ZNF679: variants seen among roughly 807,000 people sequenced by gnomAD.
ZNF679 encodes hypothetical protein MGC42415.
A neutral mutation model predicts 13.4 loss-of-function variants in ZNF679; 10 were observed. The ratio of observed to expected loss-of-function variants is 0.75; its 90% CI spans 0.46 to 1.27. The LOEUF (loss-of-function observed/expected upper bound fraction) is 1.27. Ranked by LOEUF, ZNF679 falls within the 50% of genes most tolerant of loss-of-function variation. ZNF679 has a pLI of 0.00. For missense variants in ZNF679, 525 were observed against 477.8 expected (o/e 1.10, Z -0.92); for synonymous variants, 179 against 162.5 (o/e 1.10, Z -0.77).
At position 64,266,689 on chromosome 7, in the gene ZNF679, C is replaced by G; in HGVS notation, c.1056C>G (p.Tyr352Ter). The G allele has an allele frequency of 6.2e-7, 1 of 1,613,476 alleles. No individual in the cohort carries two copies. ...TAATTCATACTGGAGAGAAACCCTA[C>G]AAATGTAAAGAATGTGGGAAAGCCT... ...HKIIHTGEKP[Y>*]KCKECGKAFA... The change falls in exon 5 of 5, where the codon TAC (tyrosine) becomes TAG (stop). Residue 352 changes from tyrosine (Y) to a stop codon, truncating the protein, a stop_gained. Coordinates refer to ENST00000421025, the MANE Select transcript of ZNF679 (RefSeq NM_153363.3). LOFTEE classifies it low-confidence loss of function (END_TRUNC).
At chr7:64,264,498 T>C (rs1788119113) in intron 4 of ZNF679, among the ~76,000 whole-genome samples, 1 of 152,164 alleles carries the variant, frequency 6.6e-6, no homozygotes, top group African/African-American at 2.4e-5. Context: ...TATGTATTTT[T>C]TTCATCATGT....
chr7:64,236,455 A>AG (rs1787713447), intron 1 of ZNF679, among the ~76,000 whole-genome samples: 2 of 145,902 alleles, frequency 1.4e-5, no homozygotes, highest in African/African-American at 5.3e-5. Flanking sequence ...TGTGGGGGGA[A>AG]AAAAAAAAGG....
chr7:64,258,405 T>C (rs1788032320), intron 2 of ZNF679, among the ~76,000 whole-genome samples: 1 of 152,040 alleles, frequency 6.6e-6, no homozygotes, highest in African/African-American at 2.4e-5. Flanking sequence ...ATGTCTCAGA[T>C]CAAGAGTAGT....
intron 1 of ZNF679, among the ~76,000 whole-genome samples, chr7:64,231,156 A>G (rs973500135): frequency 4.6e-5 from 7 of 152,212 alleles, no homozygotes; most frequent in Non-Finnish European, 1.0e-4. Context: ...CCTTACTACA[A>G]GTAAAAGACC....
At chr7:64,246,863 A>G (rs1238824793) in intron 1 of ZNF679, among the ~76,000 whole-genome samples, 1 of 152,226 alleles carries the variant, frequency 6.6e-6, no homozygotes, top group East Asian at 1.9e-4. Context: ...ATAAAAGAAT[A>G]GCTACTCCTT....
chr7:64,249,860 G>T (rs1378447953), intron 2 of ZNF679, among the ~76,000 whole-genome samples: 2 of 151,766 alleles, frequency 1.3e-5, no homozygotes, highest in Admixed American at 1.3e-4. Flanking sequence ...TATTTTTTTT[G>T]AGAGGGAGTC....
At chr7:64,254,669 G>A (rs894628182) in intron 2 of ZNF679, among the ~76,000 whole-genome samples, 4 of 152,134 alleles carry the variant, frequency 2.6e-5, no homozygotes, top group African/African-American at 7.2e-5. Flanking sequence ...ATGAGTCCCC[G>A]GGATTTGTGA....
intron 1 of ZNF679, among the ~76,000 whole-genome samples, chr7:64,243,366 T>C (rs1040004591): frequency 1.1e-4 from 16 of 152,096 alleles, no homozygotes; most frequent in Non-Finnish European, 1.5e-4. Context: ...ATTTTTACTA[T>C]AGGTAGGGTC....
intron 4 of ZNF679, 127 bp downstream of exon 4, chr7:64,261,056 AT>A (rs1048455978): frequency 2.4e-4 from 234 of 956,132 alleles, no homozygotes; most frequent in South Asian, 4.5e-4. Context: ...AGCCCGAGTC[AT>A]TTTTTTTTCT....
intron 1 of ZNF679, among the ~76,000 whole-genome samples, chr7:64,233,360 C>T (rs576283430): frequency 1.3e-4 from 19 of 151,754 alleles, no homozygotes; most frequent in South Asian, 2.1e-4. Flanking sequence ...GGCATGGAGG[C>T]GTGCTCTTGT....
chr7:64,250,280 T>TA (rs985615448), intron 2 of ZNF679, among the ~76,000 whole-genome samples: 3 of 147,148 alleles, frequency 2.0e-5, no homozygotes, highest in African/African-American at 7.5e-5. Context: ...TTTTTTTTTT[T>TA]TTTTTTTGAG....
At chr7:64,248,944 AG>A (rs1469963578) in intron 1 of ZNF679, 83 bp from the exon 2 acceptor site, 12 of 951,492 alleles carry the variant, frequency 1.3e-5, no homozygotes, top group Non-Finnish European at 1.6e-5. Context: ...GCCATATATT[AG>A]AAACTGTACA....
chr7:64,249,082 A>C lies in ZNF679; in HGVS notation c.-36A>C. On this transcript the variant is annotated 5_prime_UTR_variant, in exon 2 of 5. Transcript: ENST00000421025. ...GTCCTCTGTTCCTAGAGGCCAAGCC[A>C]CTGTGGCCTTGTGTTCTGCAGGTAT... The C allele has an allele frequency of 6.2e-7, 1 of 1,613,944 alleles. No homozygotes were observed. The highest frequency in any genetic ancestry group is 1.3e-5 in the African/African-American group (1 of 75,048).
chr7:64,260,412 T>C (rs1788061132), intron 3 of ZNF679, 65 bp downstream of exon 3: 25 of 1,475,812 alleles, frequency 1.7e-5, no homozygotes, highest in Middle Eastern at 1.8e-4. Flanking sequence ...AAATGTTTTT[T>C]GGTAATTTCT....
intron 2 of ZNF679, among the ~76,000 whole-genome samples, chr7:64,257,795 A>C (rs1199345446): frequency 2.6e-5 from 4 of 152,192 alleles, no homozygotes. Context: ...AGTGGGTGTA[A>C]GGGACTCTTT....
At chr7:64,234,359 G>A (rs1175408241) in intron 1 of ZNF679, among the ~76,000 whole-genome samples, 1 of 152,192 alleles carries the variant, frequency 6.6e-6, no homozygotes, top group East Asian at 1.9e-4. Flanking sequence ...GCTTTCTCTG[G>A]CCAGCAGCAG....
rs554995514 is a variant in ZNF679, at chr7:64,241,355, A to G, written c.-90-7673A>G. 2.0e-5 allele frequency among the ~76,000 whole-genome samples: 3 copies of G among 152,330 alleles called. No homozygotes were observed. The East Asian group carries it at 5.8e-4, about 29-fold the overall frequency. ...GAGACAGACCACGCACAAGGGTTGC[A>G]TCACCTGGGTGCTGGCCAGAGATAT... On this transcript the variant is annotated intron_variant, in intron 1 of 4. Transcript: ENST00000421025.
At chr7:64,244,490 G>A (rs1275247266) in intron 1 of ZNF679, among the ~76,000 whole-genome samples, 1 of 151,672 alleles carries the variant, frequency 6.6e-6, no homozygotes, top group Non-Finnish European at 1.5e-5. Context: ...GCGGCTCACC[G>A]CAACCTCAGC....
At chr7:64,236,970 A>G (rs1442815619) in intron 1 of ZNF679, among the ~76,000 whole-genome samples, 1 of 20,522 alleles carries the variant, frequency 4.9e-5, no homozygotes, top group African/African-American at 1.5e-4. Flanking sequence ...AGAAAGAAAG[A>G]AAGAAAAAGA....
Sources: gnomAD v4.1 joint callset for allele counts (sites outside exome capture counted in the v4.1 genomes callset) on GRCh38, gnomAD v4.1.1 for gene constraint, MANE v1.5 for transcripts, NCBI Gene and HGNC (gene_info 2026-07-23, HGNC 2026-07-21) for gene names.